INSYN2A: variants seen among roughly 807,000 people sequenced by gnomAD.
INSYN2A encodes the protein inhibitory synaptic factor 2A.
A neutral mutation model predicts 39.4 loss-of-function variants in INSYN2A; 17 were observed. The observed-to-expected ratio is 0.43, with a 90% CI of 0.30 to 0.65. The LOEUF (loss-of-function observed/expected upper bound fraction) is 0.65, where lower values mean the gene tolerates loss of function less well. Among genes scored for constraint, INSYN2A ranks in the 30% least tolerant of loss-of-function variants. The pLI is 0.14. For missense variants in INSYN2A, 595 were observed against 631.2 expected, an observed-to-expected ratio of 0.94 and a Z score of 0.61; for synonymous variants, 255 against 265.7, an observed-to-expected ratio of 0.96 and a Z score of 0.39.
chr10:127,184,782 G>T (rs2056074617), intron 2 of INSYN2A, among the ~76,000 whole-genome samples: 1 of 152,070 alleles, frequency 6.6e-6, no homozygotes. Flanking sequence ...CCGCGCCCTG[G>T]TCCTCCTTCC....
intron 2 of INSYN2A, among the ~76,000 whole-genome samples, chr10:127,177,848 G>C (rs918592528): frequency 2.0e-5 from 3 of 152,206 alleles, no homozygotes; most frequent in Non-Finnish European, 2.9e-5. Flanking sequence ...GTTCCTGAAG[G>C]TCAAGGCTAC....
intron 5 of INSYN2A, among the ~76,000 whole-genome samples, chr10:127,152,384 G>T (rs1454930958): frequency 2.0e-5 from 3 of 152,242 alleles, no homozygotes; most frequent in Non-Finnish European, 2.9e-5. Flanking sequence ...GAAAAGACCT[G>T]CATGGATGCC....
chr10:127,180,514 G>A (rs180977417), intron 2 of INSYN2A, among the ~76,000 whole-genome samples: 8 of 152,296 alleles, frequency 5.3e-5, no homozygotes, highest in African/African-American at 1.4e-4. Flanking sequence ...GCTAGATGTC[G>A]AGGAGCTGTT....
chr10:127,138,364 C>G (rs2050893752), intron 5 of INSYN2A, among the ~76,000 whole-genome samples: 1 of 152,070 alleles, frequency 6.6e-6, no homozygotes, highest in African/African-American at 2.4e-5. Context: ...TGGAGTAAAA[C>G]AGAAAACCAA....
At chr10:127,189,784 C>T (rs773406709) in intron 2 of INSYN2A, among the ~76,000 whole-genome samples, 4 of 152,054 alleles carry the variant, frequency 2.6e-5, no homozygotes, top group African/African-American at 4.8e-5. Flanking sequence ...CTCAAGTGCA[C>T]GGTTAAGTGG....
Position 127,176,723 on chromosome 10 carries a change from C to T in INSYN2A, c.-6+154G>A, listed in dbSNP as rs943585668. Among the ~76,000 whole-genome samples, 1 of 152,208 alleles carries T rather than the reference C, an allele frequency of 6.6e-6. No individual in the cohort carries two copies. Among genetic ancestry groups the T allele is most frequent in the Admixed American group, 6.5e-5 (1 of 15,282 alleles). ...AAACCCAATGATGCTGCCTCTTCTG[C>T]TTTGCAAATTATCTTTTCACACGCG... On this transcript the variant is annotated intron_variant, in intron 3 of 5. Transcript: ENST00000522781. This position sits in a 1 kb window ranked among gnomAD's most constrained non-coding sequence, Gnocchi z 4.4.
At chr10:127,161,758 C>G (rs1470154633) in intron 4 of INSYN2A, among the ~76,000 whole-genome samples, 1 of 152,188 alleles carries the variant, frequency 6.6e-6, no homozygotes, top group Non-Finnish European at 1.5e-5. Context: ...ACCTGTCTTG[C>G]CATGTTGTCA....
At chr10:127,187,726 G>C (rs1426049022) in intron 2 of INSYN2A, among the ~76,000 whole-genome samples, 2 of 125,280 alleles carry the variant, frequency 1.6e-5, no homozygotes, top group South Asian at 3.0e-4. Flanking sequence ...GGAGAAGAAA[G>C]AGAGAAAGAA....
chr10:127,189,297 A>G (rs972608039), intron 2 of INSYN2A, among the ~76,000 whole-genome samples: 3 of 152,174 alleles, frequency 2.0e-5, no homozygotes, highest in Non-Finnish European at 4.4e-5. Context: ...TATTTTAAAT[A>G]ATTACTAGGA....
chr10:127,173,553 T>G (rs1225247237), intron 4 of INSYN2A, among the ~76,000 whole-genome samples: 1 of 152,206 alleles, frequency 6.6e-6, no homozygotes, highest in Non-Finnish European at 1.5e-5. Context: ...AGTATGCACA[T>G]TAGTGTACAT....
intron 5 of INSYN2A, chr10:127,145,804 A>G (rs1000368574): frequency 2.5e-5 from 8 of 318,580 alleles, no homozygotes; most frequent in Non-Finnish European, 4.3e-5. Context: ...TGAGAGCATC[A>G]TCTCCACTAA....
chr10:127,190,273 T>G (rs1182662091), intron 2 of INSYN2A, among the ~76,000 whole-genome samples: 2 of 152,210 alleles, frequency 1.3e-5, no homozygotes, highest in African/African-American at 4.8e-5. Context: ...AAACACTGCA[T>G]GGCCAGACGT....
At chr10:127,146,010 ACT>A (rs2051803111) in intron 5 of INSYN2A, 1 of 517,054 alleles carries the variant, frequency 1.9e-6, no homozygotes, top group South Asian at 1.4e-5. Context: ...TTCCCTAGTC[ACT>A]CTATTCCCCA....
intron 4 of INSYN2A, among the ~76,000 whole-genome samples, chr10:127,169,874 C>T (rs1177914302): frequency 6.6e-6 from 1 of 152,148 alleles, no homozygotes; most frequent in African/African-American, 2.4e-5. Context: ...AACCTTGGTA[C>T]AGGATACCAC....
At chr10:127,193,484 T>C (rs1353202396) in intron 1 of INSYN2A, among the ~76,000 whole-genome samples, 1 of 152,152 alleles carries the variant, frequency 6.6e-6, no homozygotes. Context: ...CATTTCTGTA[T>C]CATGAGTCTC....
chr10:127,150,925 C>A (rs898553294), intron 5 of INSYN2A, among the ~76,000 whole-genome samples: 3 of 152,210 alleles, frequency 2.0e-5, no homozygotes, highest in Admixed American at 2.0e-4. Context: ...AAGAAAACGT[C>A]TGGGCCTCAC....
chr10:127,173,601 A>G (rs2054786892), intron 4 of INSYN2A, among the ~76,000 whole-genome samples: 1 of 152,166 alleles, frequency 6.6e-6, no homozygotes. Context: ...TTATTTCACC[A>G]AAGATGTTGG....
At chr10:127,154,650 G>A (rs2052855161) in intron 4 of INSYN2A, among the ~76,000 whole-genome samples, 1 of 152,126 alleles carries the variant, frequency 6.6e-6, no homozygotes, top group Non-Finnish European at 1.5e-5. Context: ...TACTCCCATT[G>A]CCATAACTTC....
chr10:127,179,930 C>G (rs774658099), intron 2 of INSYN2A, among the ~76,000 whole-genome samples: 2 of 152,176 alleles, frequency 1.3e-5, no homozygotes, highest in Non-Finnish European at 2.9e-5. Context: ...CATATCCTTA[C>G]AAGGCAGCCA....
Sources: gnomAD v4.1 joint callset for allele counts (sites outside exome capture counted in the v4.1 genomes callset) on GRCh38, gnomAD v4.1.1 for gene constraint, Gnocchi (gnomAD v3.1) non-coding constraint, MANE v1.5 for transcripts, NCBI Gene and HGNC (gene_info 2026-07-23, HGNC 2026-07-21) for gene names.